The following ST8SIA5 variants were observed in gnomAD, a reference collection of about 807,000 sequenced individuals.
ST8SIA5 encodes ST8 alpha-N-acetyl-neuraminide alpha-2,8-sialyltransferase 5.
ST8SIA5 carries 24 observed loss-of-function variants against 40.2 expected under a neutral mutation model. The observed-to-expected ratio is 0.60, with a 90% confidence interval of 0.43 to 0.84. ST8SIA5 has a LOEUF of 0.84. Ranked by LOEUF, ST8SIA5 falls within the 40% of genes least tolerant of loss-of-function variation. ST8SIA5 has a pLI of 0.00. For missense variants in ST8SIA5, 465 were observed against 498.5 expected, an observed-to-expected ratio of 0.93 and a Z score of 0.64; for synonymous variants, 198 against 201.8, an observed-to-expected ratio of 0.98 and a Z score of 0.16.
In ST8SIA5 at chr18:46,680,137, C is replaced by T. The variant is rs1276450017; in HGVS notation, c.1036G>A (p.Gly346Ser). ...HYYDNVKPRPGFHAMPSEIFN... is the reference protein window; with the variant it reads ...HYYDNVKPRPSFHAMPSEIFN... ...ATCTCAGAGGGCATGGCGTGGAAGC[C>T]GGGACGCGGCTTGACGTTGTCATAG... Residue 346 changes from glycine (G) to serine (S), a missense_variant, in exon 7 of 7, where the codon GGC (glycine) becomes AGC (serine). Coordinates refer to ENST00000315087, the MANE Select transcript of ST8SIA5 (RefSeq NM_013305.6). 9.9e-6 allele frequency: 16 copies of T among 1,614,086 alleles called. No homozygotes were observed. Among genetic ancestry groups the T allele is most frequent in the African/African-American group, 6.7e-5 (5 of 74,934 alleles).
chr18:46,714,748 CT>C (rs2039769737), intron 1 of ST8SIA5, among the ~76,000 whole-genome samples: 1 of 152,188 alleles, frequency 6.6e-6, no homozygotes, highest in Admixed American at 6.5e-5. Context: ...GTGCTTTAAC[CT>C]TGGAGCACTC....
At chr18:46,700,751 A>G (rs1384471986) in intron 2 of ST8SIA5, among the ~76,000 whole-genome samples, 1 of 152,218 alleles carries the variant, frequency 6.6e-6, no homozygotes, top group East Asian at 1.9e-4. Context: ...CTGGGGACAG[A>G]GAGGGTGCCC....
At chr18:46,747,220 G>A (rs957770486) in intron 1 of ST8SIA5, among the ~76,000 whole-genome samples, 1 of 152,132 alleles carries the variant, frequency 6.6e-6, no homozygotes, top group Non-Finnish European at 1.5e-5. Flanking sequence ...ATAGACAAAT[G>A]GTATCTAATT....
At chr18:46,716,612 AG>A (rs1382504777) in intron 1 of ST8SIA5, among the ~76,000 whole-genome samples, 1 of 152,198 alleles carries the variant, frequency 6.6e-6, no homozygotes, top group African/African-American at 2.4e-5. Context: ...GGGGCCAGTG[AG>A]GCCAGCCAAG....
In ST8SIA5 at chr18:46,675,687, G is replaced by C. The variant is rs183193389; in HGVS notation, c.*4355C>G. On this transcript the variant is annotated 3_prime_UTR_variant, in exon 7 of 7. Transcript: ENST00000315087. ...TGAATCCACAAAGGAACCTGAGAAGGAGCATTCAGAGAGACAGGAGGAAAG... is the reference window on the plus strand; with the variant it reads ...TGAATCCACAAAGGAACCTGAGAAGCAGCATTCAGAGAGACAGGAGGAAAG... 1.3e-5 allele frequency: 2 copies of C among 152,302 alleles called. No homozygotes were observed. Among genetic ancestry groups the C allele is most frequent in the East Asian group, 3.9e-4 (2 of 5,178 alleles). 9.4% of individuals were successfully genotyped at this position (152,302 alleles called of 1,614,324 possible). A position where few individuals can be genotyped will look rare whatever the true frequency, so the allele number is the denominator to read the frequency against.
intron 1 of ST8SIA5, among the ~76,000 whole-genome samples, chr18:46,724,159 A>T (rs1361280373): frequency 6.6e-6 from 1 of 152,174 alleles, no homozygotes; most frequent in African/African-American, 2.4e-5. Context: ...AGTATCACAG[A>T]TCTGAGCCTT....
At chr18:46,718,366 T>C (rs2039815605) in intron 1 of ST8SIA5, among the ~76,000 whole-genome samples, 1 of 151,652 alleles carries the variant, frequency 6.6e-6, no homozygotes, top group Non-Finnish European at 1.5e-5. Flanking sequence ...TATTCCTATA[T>C]GCTCATTAAA....
intron 2 of ST8SIA5, among the ~76,000 whole-genome samples, chr18:46,696,863 G>A (rs1409023669): frequency 6.6e-5 from 10 of 152,162 alleles, no homozygotes; most frequent in Admixed American, 6.5e-5. Context: ...ATTTCAACAA[G>A]TGTATGGAAG....
chr18:46,692,091 C>A (rs1261075970), intron 3 of ST8SIA5, 78 bp downstream of exon 3: 6 of 1,485,228 alleles, frequency 4.0e-6, no homozygotes, highest in Non-Finnish European at 5.6e-6. Flanking sequence ...CTGGGCCTTG[C>A]AGGACAATGG....
At chr18:46,754,592 A>G (rs2040224020) in intron 1 of ST8SIA5, among the ~76,000 whole-genome samples, 1 of 152,160 alleles carries the variant, frequency 6.6e-6, no homozygotes, top group African/African-American at 2.4e-5. Flanking sequence ...TGAGGCCTGC[A>G]AGATAGCATC....
At chr18:46,737,069 C>G (rs2040041990) in intron 1 of ST8SIA5, among the ~76,000 whole-genome samples, 1 of 152,218 alleles carries the variant, frequency 6.6e-6, no homozygotes. Flanking sequence ...TGAGGCTAAA[C>G]AGAGACCAGA....
intron 1 of ST8SIA5, among the ~76,000 whole-genome samples, chr18:46,723,550 T>TTGAA (rs1209061554): frequency 7.2e-5 from 11 of 151,942 alleles, no homozygotes; most frequent in African/African-American, 2.7e-4. Flanking sequence ...AGACCCTGTC[T>TTGAA]TGAATGAATG....
rs770942061 is a variant in ST8SIA5, at chr18:46,679,888, C to A, written c.*154G>T. On this transcript the variant is annotated 3_prime_UTR_variant, in exon 7 of 7. Transcript: ENST00000315087. The stretch of plus-strand genomic sequence containing the variant: ...TCTGCCCCGGTTCCTAACCCTGCCT[C>A]CCTACCCCAGGATCCAAGTACAGAG... The A allele has an allele frequency of 3.8e-6, 3 of 789,600 alleles. No individual in the cohort carries two copies. The Admixed American group carries it at 8.8e-5, about 23-fold the overall frequency. The allele number at this position is 789,600 out of a possible 1,614,324, so 48.9% of individuals were successfully genotyped here.
rs1371015725 is a variant in ST8SIA5, at chr18:46,673,797, C to T, written c.*6245G>A. On this transcript the variant is annotated 3_prime_UTR_variant, in exon 7 of 7. Transcript: ENST00000315087. ...AGGATGCCCCGTAGGATGGAATCAG[C>T]CTCCACAGACTGGCCTCGTTTGACT... The T allele has an allele frequency of 2.0e-5, 3 of 152,130 alleles. No homozygotes were observed. In the South Asian group the frequency reaches 6.2e-4, roughly 32 times the overall value. The allele number at this position is 152,130 out of a possible 1,614,324, so 9.4% of individuals were successfully genotyped here.
intron 2 of ST8SIA5, among the ~76,000 whole-genome samples, chr18:46,694,102 C>T (rs989759505): frequency 6.6e-6 from 1 of 152,200 alleles, no homozygotes; most frequent in Admixed American, 6.5e-5. Context: ...CCAGAAAGAT[C>T]CAGGAAGCTC....
rs115140167 is a variant in ST8SIA5, at chr18:46,756,536, G to C, written c.-28C>G. The C allele has an allele frequency of 6.2e-7, 1 of 1,609,782 alleles. No individual in the cohort carries two copies. The highest frequency in any genetic ancestry group is 1.1e-5 in the South Asian group (1 of 90,674). ...TGGCTACCGGGCGCCGCGGGCGCGGGGTACGGGGCGGCCAGGCAATGACTC... is the reference window on the plus strand; with the variant it reads ...TGGCTACCGGGCGCCGCGGGCGCGGCGTACGGGGCGGCCAGGCAATGACTC... On this transcript the variant is annotated 5_prime_UTR_variant, in exon 1 of 7. Coordinates refer to ENST00000315087, the MANE Select transcript of ST8SIA5 (RefSeq NM_013305.6).
Position 46,680,412 on chromosome 18 carries a change from T to C in ST8SIA5, c.761A>G (p.Asn254Ser), listed in dbSNP as rs2039380533. 1.9e-6 allele frequency: 3 copies of C among 1,613,390 alleles called. No homozygotes were observed. Among genetic ancestry groups the C allele is most frequent in the South Asian group, 2.2e-5 (2 of 90,992 alleles). The change falls in exon 7 of 7, where the codon AAC becomes AGC. Residue 254 changes from asparagine to serine, a missense_variant. By Grantham distance (46) the Asn-to-Ser change is conservative. Transcript: ENST00000315087. ...CTTGACGCGGATGGACACGTCGGTG[T>C]TGCGCGTGTTGTAGAAGGCAGGCAG... ...VLLPAFYNTR[N>S]TDVSIRVKYV...
intron 2 of ST8SIA5, among the ~76,000 whole-genome samples, chr18:46,692,564 G>A (rs1351942102): frequency 6.6e-6 from 1 of 152,004 alleles, no homozygotes; most frequent in East Asian, 1.9e-4. Flanking sequence ...ACCATGCCTA[G>A]CTAATTTTTG....
At chr18:46,741,109 A>C (rs1408381962) in intron 1 of ST8SIA5, among the ~76,000 whole-genome samples, 1 of 152,170 alleles carries the variant, frequency 6.6e-6, no homozygotes, top group African/African-American at 2.4e-5. Flanking sequence ...AAAATCAACA[A>C]TGCCAAAATC....
Sources: allele counts gnomAD v4.1 joint callset (sites outside exome capture counted in the v4.1 genomes callset), GRCh38; gene constraint gnomAD v4.1.1; transcripts MANE v1.5; gene names NCBI Gene and HGNC (gene_info 2026-07-23, HGNC 2026-07-21).